Variants in KIAA1217 observed in about 807,000 individuals in gnomAD.
KIAA1217 encodes sickle tail protein homolog.
A neutral mutation model predicts 163.9 loss-of-function variants in KIAA1217; 88 were observed. The observed-to-expected ratio is 0.54, with a 90% CI of 0.45 to 0.64. The LOEUF (loss-of-function observed/expected upper bound fraction) is 0.64. Ranked by LOEUF, KIAA1217 falls within the 30% of genes least tolerant of loss-of-function variation. The pLI is 0.00. For missense variants in KIAA1217, 2,372 were observed against 2,475.0 expected (o/e 0.96, Z 0.88); for synonymous variants, 903 against 923.1 (o/e 0.98, Z 0.39).
At chr10:23,919,546 C>T (rs1842768235) in intron 1 of KIAA1217, among the ~76,000 whole-genome samples, 1 of 138,280 alleles carries the variant, frequency 7.2e-6, no homozygotes, top group Admixed American at 8.1e-5. Context: ...GCAGAGATTG[C>T]AGTAGGTCGA....
At chr10:23,995,059 A>G (rs377000054) in intron 1 of KIAA1217, among the ~76,000 whole-genome samples, 1 of 152,220 alleles carries the variant, frequency 6.6e-6, no homozygotes, top group African/African-American at 2.4e-5. Context: ...ATTAAAATTT[A>G]AAAGAGCCCA....
At chr10:23,723,419 A>G (rs113050443) in intron 1 of KIAA1217, among the ~76,000 whole-genome samples, 35 of 152,144 alleles carry the variant, frequency 2.3e-4, no homozygotes, top group African/African-American at 8.2e-4. Context: ...AAAAAAAATC[A>G]CCTTATTAGA....
intron 2 of KIAA1217, among the ~76,000 whole-genome samples, chr10:24,136,640 T>TA (rs915723791): frequency 6.6e-6 from 1 of 152,228 alleles, no homozygotes; most frequent in Admixed American, 6.5e-5. Context: ...ACTGTCTACA[T>TA]AACCTTTTTT....
At chr10:24,241,117 G>A (rs532199984) in intron 2 of KIAA1217, among the ~76,000 whole-genome samples, 1 of 152,126 alleles carries the variant, frequency 6.6e-6, no homozygotes, top group Non-Finnish European at 1.5e-5. Context: ...GAAATGCTGG[G>A]ATTACAGGCT....
intron 2 of KIAA1217, among the ~76,000 whole-genome samples, chr10:24,336,196 C>T (rs986440897): frequency 2.0e-5 from 3 of 152,044 alleles, no homozygotes; most frequent in Non-Finnish European, 4.4e-5. Flanking sequence ...GACCCGAGAC[C>T]GGGCCATTGC....
At chr10:24,545,720 G>C in intron 20 of KIAA1217, 107 bp from the exon 21 acceptor site, 9 of 1,510,922 alleles carry the variant, frequency 6.0e-6, no homozygotes, top group Non-Finnish European at 7.9e-6. Flanking sequence ...TGTTTGGTTG[G>C]TTTTCTTTGA....
chr10:23,907,233 A>G (rs1046851424), intron 1 of KIAA1217, among the ~76,000 whole-genome samples: 2 of 151,670 alleles, frequency 1.3e-5, no homozygotes, highest in Non-Finnish European at 2.9e-5. Context: ...CTTTTCTTCA[A>G]CATTTTTTTT....
intron 1 of KIAA1217, among the ~76,000 whole-genome samples, chr10:23,899,837 C>T (rs1038290109): frequency 6.6e-6 from 1 of 152,038 alleles, no homozygotes; most frequent in African/African-American, 2.4e-5. Flanking sequence ...AATTCTTACA[C>T]CTACTAGGTA....
chr10:24,142,979 C>T (rs2064150731), intron 2 of KIAA1217, among the ~76,000 whole-genome samples: 2 of 152,148 alleles, frequency 1.3e-5, no homozygotes, highest in South Asian at 2.1e-4. Context: ...AAATTATTTT[C>T]GTATACCCTT....
At chr10:24,396,743 A>G (rs571319448) in intron 3 of KIAA1217, among the ~76,000 whole-genome samples, 14 of 152,360 alleles carry the variant, frequency 9.2e-5, no homozygotes, top group Non-Finnish European at 1.5e-4. Flanking sequence ...AAAGGCCACT[A>G]TGATCGGAAT....
intron 1 of KIAA1217, among the ~76,000 whole-genome samples, chr10:23,841,827 C>CTTTTAT (rs946474049): frequency 7.5e-5 from 10 of 133,492 alleles, no homozygotes; most frequent in African/African-American, 2.1e-4. Flanking sequence ...ACCATTGGGA[C>CTTTTAT]TTTATTTTAT....
intron 2 of KIAA1217, among the ~76,000 whole-genome samples, chr10:24,036,730 A>G (rs1249307817): frequency 6.6e-6 from 1 of 152,134 alleles, no homozygotes; most frequent in Non-Finnish European, 1.5e-5. Context: ...GTGGACTAAT[A>G]AAGTGAACTA....
intron 2 of KIAA1217, among the ~76,000 whole-genome samples, chr10:24,357,833 C>G (rs979250322): frequency 3.9e-5 from 6 of 152,128 alleles, no homozygotes; most frequent in African/African-American, 1.2e-4. Flanking sequence ...TTGGAATGCT[C>G]TTGGCTGGAG....
At chr10:24,522,585 C>G (rs1383177406) in intron 12 of KIAA1217, among the ~76,000 whole-genome samples, 1 of 152,142 alleles carries the variant, frequency 6.6e-6, no homozygotes, top group African/African-American at 2.4e-5. Context: ...AACCTGCTCA[C>G]CGAAGAGGTC....
intron 1 of KIAA1217, among the ~76,000 whole-genome samples, chr10:23,832,829 A>C (rs548284395): frequency 6.6e-6 from 1 of 152,298 alleles, no homozygotes; most frequent in African/African-American, 2.4e-5. Flanking sequence ...ATGGACTTAC[A>C]GTTCCATGTG....
chr10:24,443,439 G>T (rs1243114586), intron 5 of KIAA1217, among the ~76,000 whole-genome samples: 2 of 152,064 alleles, frequency 1.3e-5, no homozygotes, highest in Admixed American at 1.3e-4. Flanking sequence ...TCATTCTCCT[G>T]TTCTCTTTTT....
intron 1 of KIAA1217, among the ~76,000 whole-genome samples, chr10:23,993,845 G>A (rs748884671): frequency 3.3e-5 from 5 of 152,050 alleles, no homozygotes; most frequent in Non-Finnish European, 7.4e-5. Context: ...CTCCCAAAGT[G>A]CTGGGATTAC....
rs10828615 is a variant in KIAA1217, at chr10:24,183,874, G to A, written c.-170-35752G>A. 7.2e-5 allele frequency among the ~76,000 whole-genome samples: 11 copies of A among 152,058 alleles called. No individual in the cohort carries two copies. In the East Asian group the frequency reaches 2.1e-3, roughly 29 times the overall value. On this transcript the variant is annotated intron_variant, in intron 2 of 18. Coordinates refer to the KIAA1217 transcript ENST00000376462. ...GCCTTTCAAATATATTAAGACAACT[G>A]CCAGGTCTCTTCAAATCTTCTCTTC...
At chr10:24,424,293 A>G (rs2059005950) in intron 3 of KIAA1217, among the ~76,000 whole-genome samples, 2 of 152,296 alleles carry the variant, frequency 1.3e-5, no homozygotes, top group Admixed American at 6.5e-5. Context: ...CCTTGTTCAA[A>G]TCGCTGCTGT....
Sources: allele counts gnomAD v4.1 joint callset (sites outside exome capture counted in the v4.1 genomes callset), GRCh38; gene constraint gnomAD v4.1.1; transcripts MANE v1.5; gene names NCBI Gene and HGNC (gene_info 2026-07-23, HGNC 2026-07-21).